FBN1: variants seen among roughly 807,000 people sequenced by gnomAD.
FBN1 encodes fibrillin-1.
FBN1 carries 29 observed loss-of-function variants against 365.1 expected under a neutral mutation model. The ratio of observed to expected loss-of-function variants is 0.08; its 90% confidence interval spans 0.06 to 0.11. The LOEUF is 0.11. Ranked by LOEUF, FBN1 falls within the 10% of genes least tolerant of loss-of-function variation. The pLI is 1.00. For synonymous variants in FBN1, 1,210 were observed against 1,270.5 expected (o/e 0.95, Z 1.01); for missense variants, 2,476 against 3,703.2 (o/e 0.67, Z 8.60).
intron 64 of FBN1, among the ~76,000 whole-genome samples, chr15:48,414,317 G>C (rs2042885663): frequency 6.6e-6 from 1 of 152,176 alleles, no homozygotes; most frequent in African/African-American, 2.4e-5. Context: ...GATCCAAAAT[G>C]AATCACTTGA....
At chr15:48,411,437 T>C (rs1473062346) in intron 65 of FBN1, 58 bp from the exon 66 acceptor site, 4 of 1,524,152 alleles carry the variant, frequency 2.6e-6, no homozygotes, top group Non-Finnish European at 3.6e-6. Context: ...TTAGCTCTCA[T>C]ATTAAAGAAA....
chr15:48,606,129 T>C (rs2140727280), intron 4 of FBN1, among the ~76,000 whole-genome samples: 1 of 152,284 alleles, frequency 6.6e-6, no homozygotes, highest in South Asian at 2.1e-4. Flanking sequence ...CTGGTGAGAA[T>C]GCAAAATGGT....
chr15:48,471,075 A>G (rs2043371480), intron 35 of FBN1, among the ~76,000 whole-genome samples: 1 of 151,952 alleles, frequency 6.6e-6, no homozygotes, highest in Non-Finnish European at 1.5e-5. Flanking sequence ...ACCTTACGCT[A>G]AATTCGTTTT....
Position 48,523,715 on chromosome 15 carries a change from G to GT in FBN1, c.988+2414_988+2415insA, listed in dbSNP as rs1555400797. On this transcript the variant is annotated intron_variant, in intron 9 of 65. Coordinates refer to ENST00000316623, the MANE Select transcript of FBN1 (RefSeq NM_000138.5). ...AGTGCCACACCAAGGGTGGCTGGGG[G>GT]GGGGGGGGAACCGTTGTGGTGGTAT... 2.2e-5 allele frequency among the ~76,000 whole-genome samples: 3 copies of GT among 133,480 alleles called. 1 individual carries two copies. The highest frequency in any genetic ancestry group is 1.5e-4 in the Admixed American group (2 of 13,190). The allele number at this position is 133,480 out of a possible 152,430, so 87.6% of individuals were successfully genotyped here. A position where few individuals can be genotyped will look rare whatever the true frequency, so the allele number is the denominator to read the frequency against.
chr15:48,492,368 C>T, intron 24 of FBN1, 93 bp downstream of exon 24: 1 of 1,290,966 alleles, frequency 7.7e-7, no homozygotes, highest in Non-Finnish European at 1.1e-6. Flanking sequence ...TGTGTCTGTA[C>T]CTGAAGCTAA....
In FBN1 at chr15:48,585,469, T is replaced by C. The variant is rs1233478465; in HGVS notation, c.538+10814A>G. On this transcript the variant is annotated intron_variant, in intron 6 of 65. Transcript: ENST00000316623. ...ATAAATAACTACACTAATATTTCCA[T>C]ATAACATACACATAGATTTATAAAT... Among the ~76,000 whole-genome samples the C allele has an allele frequency of 2.6e-5, 4 of 152,206 alleles. No homozygotes were observed. The East Asian group carries it at 7.7e-4, about 29-fold the overall frequency.
At chr15:48,621,834 A>C (rs546045043) in intron 2 of FBN1, among the ~76,000 whole-genome samples, 58 of 145,080 alleles carry the variant, frequency 4.0e-4, no homozygotes, top group African/African-American at 1.4e-3. Context: ...TAAAAATACA[A>C]AAAAAAAAAA....
Position 48,498,883 on chromosome 15 carries a change from T to C in FBN1, c.2167+102A>G, listed in dbSNP as rs2043631778. 3 of 1,125,698 alleles carry C rather than the reference T, an allele frequency of 2.7e-6. No homozygotes were observed. In the Admixed American group the frequency reaches 5.1e-5, roughly 19 times the overall value. The allele number at this position is 1,125,698 out of a possible 1,614,324, so 69.7% of individuals were successfully genotyped here. A position where few individuals can be genotyped will look rare whatever the true frequency, so the allele number is the denominator to read the frequency against. The stretch of plus-strand genomic sequence containing the variant: ...GGCACAGTGATGGCCAGAGAGGGAG[T>C]CAGGCCAGACTAGTGTAAAGGGATC... On this transcript the variant is annotated intron_variant, in intron 18 of 65. Transcript: ENST00000316623.
chr15:48,546,167 C>T lies in FBN1; in HGVS notation c.539-8359G>A, dbSNP rs1451675106. The stretch of plus-strand genomic sequence containing the variant: ...GACAAATACTTATTGAGCCACAACC[C>T]TGTATCAGTGAATAGCACAACATAA... On this transcript the variant is annotated intron_variant, in intron 6 of 65. Coordinates refer to ENST00000316623, the MANE Select transcript of FBN1 (RefSeq NM_000138.5). 2.0e-5 allele frequency among the ~76,000 whole-genome samples: 3 copies of T among 152,246 alleles called. No individual in the cohort carries two copies. In the East Asian group the frequency reaches 5.8e-4, roughly 29 times the overall value.
intron 2 of FBN1, among the ~76,000 whole-genome samples, chr15:48,617,885 T>C (rs571875349): frequency 6.6e-6 from 1 of 152,358 alleles, no homozygotes; most frequent in African/African-American, 2.4e-5. Context: ...ATAGCCTTTC[T>C]GTTTCCTATG....
intron 36 of FBN1, 125 bp downstream of exon 36, chr15:48,470,509 T>G: frequency 7.6e-7 from 1 of 1,311,912 alleles, no homozygotes; most frequent in Non-Finnish European, 1.1e-6. Flanking sequence ...TATCTGTGAT[T>G]CTTAATACTT....
chr15:48,611,539 C>T (rs892887917), intron 3 of FBN1, among the ~76,000 whole-genome samples: 1 of 152,184 alleles, frequency 6.6e-6, no homozygotes, highest in African/African-American at 2.4e-5. Context: ...GGATTACAGG[C>T]GTAAACCACC....
chr15:48,619,856 C>T (rs1889732509), intron 2 of FBN1, among the ~76,000 whole-genome samples: 1 of 150,886 alleles, frequency 6.6e-6, no homozygotes, highest in Non-Finnish European at 1.5e-5. Flanking sequence ...ACATGTACCC[C>T]TGAACCTAAA....
intron 2 of FBN1, among the ~76,000 whole-genome samples, chr15:48,615,053 G>A (rs1159748190): frequency 6.6e-6 from 1 of 152,178 alleles, no homozygotes; most frequent in Non-Finnish European, 1.5e-5. Flanking sequence ...AGTGAGGGTA[G>A]ACAGCTGGGG....
intron 22 of FBN1, among the ~76,000 whole-genome samples, chr15:48,494,737 A>G (rs2043589782): frequency 6.6e-6 from 1 of 152,222 alleles, no homozygotes; most frequent in African/African-American, 2.4e-5. Context: ...TTCCCAACAG[A>G]TTTAGAAGTT....
At chr15:48,542,763 G>A (rs1210513824) in intron 6 of FBN1, among the ~76,000 whole-genome samples, 1 of 147,732 alleles carries the variant, frequency 6.8e-6, no homozygotes, top group Non-Finnish European at 1.5e-5. Flanking sequence ...GATTATTTCT[G>A]CCCTCTAGGA....
At chr15:48,634,578 C>T (rs758426340) in intron 2 of FBN1, among the ~76,000 whole-genome samples, 2 of 152,100 alleles carry the variant, frequency 1.3e-5, no homozygotes, top group South Asian at 4.2e-4. Flanking sequence ...CTTCCCCTAA[C>T]AAAAACCTTA....
At chr15:48,605,187 T>G (rs1019432279) in intron 4 of FBN1, among the ~76,000 whole-genome samples, 3 of 151,970 alleles carry the variant, frequency 2.0e-5, no homozygotes, top group Admixed American at 1.3e-4. Context: ...AGAACTAGAA[T>G]AGCTAAAACA....
At chr15:48,429,081 T>C (rs942789641) in intron 56 of FBN1, among the ~76,000 whole-genome samples, 1 of 141,134 alleles carries the variant, frequency 7.1e-6, no homozygotes, top group South Asian at 2.1e-4. Flanking sequence ...TACTTAAACA[T>C]AGATGGTAGC....
Sources: allele counts gnomAD v4.1 joint callset (sites outside exome capture counted in the v4.1 genomes callset), GRCh38; gene constraint gnomAD v4.1.1; transcripts MANE v1.5; gene names NCBI Gene and HGNC (gene_info 2026-07-23, HGNC 2026-07-21).